The following KHDRBS3 variants were observed in gnomAD, a reference collection of about 807,000 sequenced individuals.
KHDRBS3 encodes KH domain-containing, RNA-binding, signal transduction-associated protein 3.
In KHDRBS3, 23 loss-of-function variants were observed where a neutral mutation model predicts 45.6. The observed-to-expected ratio is 0.50, with a 90% CI of 0.36 to 0.72. The LOEUF is 0.72. Among genes scored for constraint, KHDRBS3 ranks in the 30% least tolerant of loss-of-function variants. The probability of loss-of-function intolerance (pLI) is 0.00; values close to 1 mark genes in which losing one functional copy is unlikely to be tolerated. For missense variants in KHDRBS3, 352 were observed against 424.8 expected, an observed-to-expected ratio of 0.83 and a Z score of 1.51; for synonymous variants, 162 against 156.5, an observed-to-expected ratio of 1.04 and a Z score of -0.26.
chr8:135,629,291 C>T (rs1263828385), intron 7 of KHDRBS3, among the ~76,000 whole-genome samples: 1 of 152,192 alleles, frequency 6.6e-6, no homozygotes, highest in Non-Finnish European at 1.5e-5. Flanking sequence ...TTTGTACTGA[C>T]TAAATGGCAG....
intron 2 of KHDRBS3, chr8:135,542,415 T>A: frequency 2.3e-6 from 1 of 426,514 alleles, no homozygotes; most frequent in Admixed American, 4.0e-5. Context: ...CATTCACAGT[T>A]GTGGAATATA....
chr8:135,530,945 T>G (rs1825444165), intron 2 of KHDRBS3, among the ~76,000 whole-genome samples: 1 of 152,180 alleles, frequency 6.6e-6, no homozygotes, highest in Admixed American at 6.5e-5. Context: ...CTGTATCAGT[T>G]TCTTGCCTTT....
intron 4 of KHDRBS3, 64 bp from the exon 5 acceptor site, chr8:135,557,384 T>A: frequency 1.0e-6 from 1 of 1,001,124 alleles, no homozygotes; most frequent in Non-Finnish European, 1.4e-6. Flanking sequence ...ACTTGCTTTT[T>A]GTTCTAAATA....
intron 1 of KHDRBS3, among the ~76,000 whole-genome samples, chr8:135,499,138 G>T (rs1011987174): frequency 2.0e-5 from 3 of 152,172 alleles, no homozygotes; most frequent in African/African-American, 7.2e-5. Flanking sequence ...TGCAGTTGTG[G>T]TTGGGAAGGG....
chr8:135,636,236 C>A (rs945601138), intron 7 of KHDRBS3, among the ~76,000 whole-genome samples: 8 of 152,082 alleles, frequency 5.3e-5, no homozygotes, highest in African/African-American at 1.9e-4. Context: ...CTTCAGTGTG[C>A]CCCAGAATTG....
chr8:135,473,274 A>G (rs886346905), intron 1 of KHDRBS3, among the ~76,000 whole-genome samples: 1 of 152,054 alleles, frequency 6.6e-6, no homozygotes, highest in African/African-American at 2.4e-5. Flanking sequence ...TGGCTTCCAA[A>G]TTGACTTGGA....
intron 1 of KHDRBS3, among the ~76,000 whole-genome samples, chr8:135,512,984 G>A (rs1447145532): frequency 2.0e-5 from 3 of 152,018 alleles, no homozygotes; most frequent in African/African-American, 4.8e-5. Context: ...AGGCCGAGGC[G>A]GGCGGATGAC....
At chr8:135,568,082 C>A (rs1174241220) in intron 5 of KHDRBS3, among the ~76,000 whole-genome samples, 3 of 152,192 alleles carry the variant, frequency 2.0e-5, no homozygotes, top group African/African-American at 4.8e-5. Context: ...GCCTTACTTG[C>A]CACACACACA....
chr8:135,641,876 A>G (rs1831072125), intron 7 of KHDRBS3, among the ~76,000 whole-genome samples: 1 of 152,220 alleles, frequency 6.6e-6, no homozygotes, highest in African/African-American at 2.4e-5. Flanking sequence ...TTAAGCAGGA[A>G]AGCCGTGTTT....
chr8:135,516,570 T>TTGTGTGTG (rs56155377), intron 1 of KHDRBS3, among the ~76,000 whole-genome samples: 53,621 of 148,830 alleles, frequency 0.36, 9,597 homozygotes, highest in East Asian at 0.6. Context: ...GTTTCTTACA[T>TTGTGTGTG]TGTGTGTGTG....
At chr8:135,581,058 C>T (rs550164052) in intron 5 of KHDRBS3, among the ~76,000 whole-genome samples, 17 of 152,266 alleles carry the variant, frequency 1.1e-4, no homozygotes, top group African/African-American at 3.1e-4. Flanking sequence ...TCTTTAGCTG[C>T]GTATTTGCTA....
At chr8:135,574,476 T>G (rs2130898566) in intron 5 of KHDRBS3, among the ~76,000 whole-genome samples, 1 of 152,330 alleles carries the variant, frequency 6.6e-6, no homozygotes, top group Non-Finnish European at 1.5e-5. Flanking sequence ...ACCAACAATG[T>G]CAATGATCGT....
intron 4 of KHDRBS3, among the ~76,000 whole-genome samples, chr8:135,556,286 T>C (rs1456109759): frequency 1.3e-5 from 2 of 152,206 alleles, no homozygotes; most frequent in African/African-American, 2.4e-5. Context: ...GTATTTCTAG[T>C]TCTAGATCCT....
intron 7 of KHDRBS3, among the ~76,000 whole-genome samples, chr8:135,637,408 G>C (rs965271905): frequency 2.6e-5 from 4 of 152,214 alleles, no homozygotes; most frequent in Non-Finnish European, 2.9e-5. Context: ...GATTATGCAT[G>C]ACTCTTTACA....
At position 135,575,254 on chromosome 8, in the gene KHDRBS3, G is replaced by GT. The variant is rs1220689362; in HGVS notation, c.612-6623dup. On this transcript the variant is annotated intron_variant, in intron 5 of 8. Transcript: ENST00000355849. Reference sequence around the variant, plus strand: ...TGCGAATACCAAATATGCACCTGTAGTGGCTTAACCCAGTAGAAATATTAC... The same window carrying GT: ...TGCGAATACCAAATATGCACCTGTAGTTGGCTTAACCCAGTAGAAATATTAC... Among the ~76,000 whole-genome samples, 3 of 152,320 alleles carry GT rather than the reference G, an allele frequency of 2.0e-5. No individual in the cohort carries two copies. In the East Asian group the frequency reaches 5.8e-4, roughly 29 times the overall value.
intron 3 of KHDRBS3, 122 bp from the exon 4 acceptor site, chr8:135,548,632 A>G: frequency 6.6e-6 from 5 of 753,754 alleles, no homozygotes; most frequent in Non-Finnish European, 9.8e-6. Context: ...GTCTACTGTG[A>G]CAACCGCTTG....
At chr8:135,461,960 TA>T (rs1196146396) in intron 1 of KHDRBS3, among the ~76,000 whole-genome samples, 2 of 152,198 alleles carry the variant, frequency 1.3e-5, no homozygotes, top group East Asian at 3.8e-4. Flanking sequence ...ATATGGAGGA[TA>T]AAAATATATT....
intron 7 of KHDRBS3, among the ~76,000 whole-genome samples, chr8:135,618,818 T>A (rs1335949012): frequency 6.6e-6 from 1 of 152,206 alleles, no homozygotes; most frequent in Non-Finnish European, 1.5e-5. Context: ...AAAAACGTAG[T>A]GAGAGAATAT....
chr8:135,493,266 C>T (rs930915790), intron 1 of KHDRBS3, among the ~76,000 whole-genome samples: 1 of 151,734 alleles, frequency 6.6e-6, no homozygotes. Flanking sequence ...TTTTTTTTCT[C>T]CCAAATCTGA....
Sources: gnomAD v4.1 joint callset for allele counts (sites outside exome capture counted in the v4.1 genomes callset) on GRCh38, gnomAD v4.1.1 for gene constraint, MANE v1.5 for transcripts, NCBI Gene and HGNC (gene_info 2026-07-23, HGNC 2026-07-21) for gene names.